The following TCERG1L variants were observed in gnomAD, a reference collection of about 807,000 sequenced individuals.
TCERG1L encodes the protein transcription elongation regulator 1-like protein.
A neutral mutation model predicts 56.3 loss-of-function variants in TCERG1L; 37 were observed. The observed-to-expected ratio is 0.66, with a 90% CI of 0.51 to 0.87. TCERG1L has a LOEUF of 0.87. Among genes scored for constraint, TCERG1L ranks in the 40% least tolerant of loss-of-function variants. The pLI is 0.00. For synonymous variants in TCERG1L, 324 were observed against 326.3 expected (o/e 0.99, Z 0.08); for missense variants, 799 against 774.2 (o/e 1.03, Z -0.38).
At chr10:131,155,425 G>C (rs1233026826) in intron 6 of TCERG1L, among the ~76,000 whole-genome samples, 1 of 152,226 alleles carries the variant, frequency 6.6e-6, no homozygotes, top group Non-Finnish European at 1.5e-5. Context: ...AGTCCCCGGA[G>C]GCTTGCCGGG....
intron 8 of TCERG1L, among the ~76,000 whole-genome samples, chr10:131,119,684 A>G (rs2133392681): frequency 6.6e-6 from 1 of 152,340 alleles, no homozygotes; most frequent in South Asian, 2.1e-4. Flanking sequence ...AACTAGCTAA[A>G]TATATTTTTG....
chr10:131,168,369 C>T (rs1846053753), intron 4 of TCERG1L, among the ~76,000 whole-genome samples: 1 of 152,164 alleles, frequency 6.6e-6, no homozygotes, highest in Admixed American at 6.5e-5. Context: ...TGCATGGGGC[C>T]AGCTGTCATG....
At chr10:131,248,342 G>A (rs1450207010) in intron 4 of TCERG1L, among the ~76,000 whole-genome samples, 1 of 152,142 alleles carries the variant, frequency 6.6e-6, no homozygotes, top group East Asian at 1.9e-4. Flanking sequence ...GGCAGGAAAT[G>A]TCAGAGCCAG....
At chr10:131,246,648 G>C (rs10765061) in intron 4 of TCERG1L, among the ~76,000 whole-genome samples, 1 of 150,838 alleles carries the variant, frequency 6.6e-6, no homozygotes, top group South Asian at 2.1e-4. Context: ...TCCTCCTTCC[G>C]TGGTGGGTGC....
chr10:131,124,623 G>A (rs1209227857), intron 8 of TCERG1L, among the ~76,000 whole-genome samples: 1 of 151,758 alleles, frequency 6.6e-6, no homozygotes, highest in Non-Finnish European at 1.5e-5. Context: ...TGAGACCCAA[G>A]CAAGGCTGGA....
chr10:131,178,903 AAGCGGTTCCAGCAG>A (rs1845140722), intron 4 of TCERG1L, among the ~76,000 whole-genome samples: 2 of 152,236 alleles, frequency 1.3e-5, no homozygotes, highest in African/African-American at 4.8e-5. Context: ...TGAGAAGGCA[AAGCGGTTCCAGCAG>A]AGCCCCGCTC....
In TCERG1L at chr10:131,102,538, T is replaced by G. The variant is rs535376053; in HGVS notation, c.1485+1727A>C. 5.9e-5 allele frequency among the ~76,000 whole-genome samples: 9 copies of G among 152,334 alleles called. No individual in the cohort carries two copies. In the East Asian group the frequency reaches 1.7e-3, roughly 29 times the overall value. On this transcript the variant is annotated intron_variant, in intron 10 of 11. Coordinates refer to ENST00000368642, the MANE Select transcript of TCERG1L (RefSeq NM_174937.4). ...AATGGCAATTCCCATACCCTCCGTC[T>G]GGGGCTTTATCAGACTCTGCTGGTG...
intron 3 of TCERG1L, among the ~76,000 whole-genome samples, chr10:131,273,966 A>G (rs1197165201): frequency 6.6e-6 from 1 of 152,214 alleles, no homozygotes; most frequent in Non-Finnish European, 1.5e-5. Context: ...GTCAGGGAAC[A>G]TGTCACAGGA....
chr10:131,197,404 C>G (rs536015931), intron 4 of TCERG1L, among the ~76,000 whole-genome samples: 46 of 152,246 alleles, frequency 3.0e-4, no homozygotes, highest in African/African-American at 1.0e-3. Context: ...CCAGGATGGT[C>G]TCGATATCCT....
In TCERG1L at chr10:131,285,465, GAAGAAAGA is replaced by G. The variant is rs1212795487; in HGVS notation, c.670+22738_670+22745del. Among the ~76,000 whole-genome samples the G allele has an allele frequency of 5.9e-3, 613 of 103,952 alleles. 12 individuals are homozygous for G. Among genetic ancestry groups the G allele is most frequent in the African/African-American group, 0.023 (567 of 25,020 alleles). 68.2% of individuals were successfully genotyped at this position (103,952 alleles called of 152,430 possible). A position where few individuals can be genotyped will look rare whatever the true frequency, so the allele number is the denominator to read the frequency against. ...AGAAACAAAGAAAGAGAGAGAAAGG[GAAGAAAGA>G]AAGAAAGAAAGAAAGAAAGAAAGAA... On this transcript the variant is annotated intron_variant, in intron 3 of 11. Coordinates refer to ENST00000368642, the MANE Select transcript of TCERG1L (RefSeq NM_174937.4).
chr10:131,217,154 A>G (rs978351896), intron 4 of TCERG1L, among the ~76,000 whole-genome samples: 3 of 152,076 alleles, frequency 2.0e-5, no homozygotes, highest in African/African-American at 7.2e-5. Context: ...GCCTGGTGGG[A>G]GGTGATGGGA....
At chr10:131,189,646 G>T (rs1172845700) in intron 4 of TCERG1L, among the ~76,000 whole-genome samples, 1 of 152,154 alleles carries the variant, frequency 6.6e-6, no homozygotes, top group Non-Finnish European at 1.5e-5. Context: ...AAACAGGAGT[G>T]CAGGTATCTT....
At chr10:131,156,673 C>G (rs986990689) in intron 6 of TCERG1L, among the ~76,000 whole-genome samples, 4 of 152,278 alleles carry the variant, frequency 2.6e-5, no homozygotes, top group Non-Finnish European at 2.9e-5. Context: ...TCTATAGATT[C>G]CAGACATTGT....
rs1845464786 is a variant in TCERG1L at position 131,116,881 on chromosome 10, C to T, written c.1313G>A (p.Gly438Asp). The change falls in exon 9 of 12, where the codon GGC becomes GAC. Residue 438 changes from glycine to aspartate, a missense_variant. Transcript: ENST00000368642. ...KPEEAKREDK[G>D]TRTPPPQILL... is the part of the protein sequence containing the mutation. ...GATCTGCGGGGGCGGCGTCCTTGTG[C>T]CTTTGTCCTCTCTCTTTGCCTCCTC... is the stretch of plus-strand genomic sequence containing the variant. 3 of 1,601,376 alleles carry T rather than the reference C, an allele frequency of 1.9e-6. No homozygotes were observed. The highest frequency in any genetic ancestry group is 4.5e-5 in the East Asian group (2 of 44,310).
At chr10:131,105,575 C>T (rs780857013) in intron 9 of TCERG1L, among the ~76,000 whole-genome samples, 21 of 150,504 alleles carry the variant, frequency 1.4e-4, no homozygotes, top group Non-Finnish European at 1.5e-4. Context: ...GTTCTGGAGG[C>T]AGGAGGTGAT....
chr10:131,094,189 G>T (rs767725071), intron 11 of TCERG1L, among the ~76,000 whole-genome samples: 2 of 152,230 alleles, frequency 1.3e-5, no homozygotes, highest in East Asian at 3.9e-4. Context: ...TGAAGCCAGG[G>T]ACAGGGACAG....
chr10:131,243,297 C>G (rs976688508), intron 4 of TCERG1L, among the ~76,000 whole-genome samples: 1 of 152,088 alleles, frequency 6.6e-6, no homozygotes, highest in African/African-American at 2.4e-5. Flanking sequence ...AAACTGCAGG[C>G]ATGGCCAGGC....
At chr10:131,271,768 C>T (rs937934369) in intron 3 of TCERG1L, among the ~76,000 whole-genome samples, 1 of 152,176 alleles carries the variant, frequency 6.6e-6, no homozygotes, top group Non-Finnish European at 1.5e-5. Context: ...TTAGGCAAAG[C>T]CCAGGATGGC....
intron 3 of TCERG1L, among the ~76,000 whole-genome samples, chr10:131,278,061 G>A (rs555411964): frequency 2.0e-5 from 3 of 152,170 alleles, no homozygotes; most frequent in African/African-American, 7.2e-5. Context: ...GAAGCGGAGG[G>A]AGGCAGGGGC....
Sources: gnomAD v4.1 joint callset for allele counts (sites outside exome capture counted in the v4.1 genomes callset) on GRCh38, gnomAD v4.1.1 for gene constraint, MANE v1.5 for transcripts, NCBI Gene and HGNC (gene_info 2026-07-23, HGNC 2026-07-21) for gene names.